The following SWT1 variants were observed in gnomAD, a reference collection of about 807,000 sequenced individuals.
SWT1 encodes the protein SWT1 RNA endoribonuclease homolog.
Under a neutral mutation model 107.3 loss-of-function variants are expected in SWT1, and 33 were observed. The ratio of observed to expected loss-of-function variants is 0.31; its 90% CI spans 0.23 to 0.41. SWT1 has a LOEUF of 0.41. Among genes scored for constraint, SWT1 ranks in the 10% least tolerant of loss-of-function variants. The probability of loss-of-function intolerance (pLI) is 1.00; values close to 1 mark genes in which losing one functional copy is unlikely to be tolerated. For missense variants in SWT1, 898 were observed against 1,028.9 expected, an observed-to-expected ratio of 0.87 and a Z score of 1.74; for synonymous variants, 345 against 348.3, an observed-to-expected ratio of 0.99 and a Z score of 0.11.
rs566590404 is a variant in SWT1 at position 185,260,566 on chromosome 1, T to C, written c.2442-10757T>C. Among the ~76,000 whole-genome samples the C allele has an allele frequency of 5.3e-5, 8 of 152,206 alleles. No homozygotes were observed. In the South Asian group the frequency reaches 1.5e-3, roughly 28 times the overall value. ...ATTAGATTGAAAAGCACAGAAGTCA[T>C]TGGTGAATTTGGCGGTGGCAGTTTC... On this transcript the variant is annotated intron_variant, in intron 16 of 18. Coordinates refer to ENST00000367500, the MANE Select transcript of SWT1 (RefSeq NM_017673.7).
chr1:185,195,230 A>G (rs1296750891), intron 10 of SWT1, among the ~76,000 whole-genome samples: 1 of 152,028 alleles, frequency 6.6e-6, no homozygotes, highest in East Asian at 1.9e-4. Flanking sequence ...CTCCCACTTA[A>G]GAGTGAGGAC....
At chr1:185,159,924 A>G (rs1653996719) in intron 1 of SWT1, among the ~76,000 whole-genome samples, 1 of 151,906 alleles carries the variant, frequency 6.6e-6, no homozygotes, top group Non-Finnish European at 1.5e-5. Flanking sequence ...AGGTTTCATG[A>G]TGTTGGCCAT....
chr1:185,290,704 G>T lies in SWT1; in HGVS notation c.2604G>T (p.Leu868=). ...AGTTAACCATTGGATGCCGCCAGCT[G>T]GTTGAGATGGAATATACCATGCAGC... ...REKLTIGCRQ[L]VEMEYTMQQC... The change falls in exon 19 of 19, where the codon CTG becomes CTT. Residue 868 remains leucine (L), a synonymous_variant. Coordinates refer to ENST00000367500, the MANE Select transcript of SWT1 (RefSeq NM_017673.7). 6.3e-7 allele frequency: 1 copy of T among 1,586,354 alleles called. No individual in the cohort carries two copies. The highest frequency in any genetic ancestry group is 1.2e-5 in the South Asian group (1 of 86,436).
At chr1:185,225,566 A>G (rs1182201677) in intron 15 of SWT1, among the ~76,000 whole-genome samples, 1 of 152,184 alleles carries the variant, frequency 6.6e-6, no homozygotes, top group Non-Finnish European at 1.5e-5. Context: ...GGAAAATTTT[A>G]TTTAAATATT....
intron 16 of SWT1, among the ~76,000 whole-genome samples, chr1:185,268,111 C>A (rs1663538496): frequency 6.6e-6 from 1 of 152,144 alleles, no homozygotes; most frequent in Non-Finnish European, 1.5e-5. Context: ...CCATTCTGGG[C>A]TCAGTTTACC....
At chr1:185,185,827 T>C (rs1268014377) in intron 9 of SWT1, among the ~76,000 whole-genome samples, 2 of 152,328 alleles carry the variant, frequency 1.3e-5, no homozygotes, top group Non-Finnish European at 2.9e-5. Flanking sequence ...ATTCATTCAT[T>C]GTCTAAACAA....
At chr1:185,253,925 T>C (rs530570489) in intron 16 of SWT1, among the ~76,000 whole-genome samples, 7,146 of 150,724 alleles carry the variant, frequency 0.047, 577 homozygotes, top group African/African-American at 0.17. Context: ...TTGTCATAGA[T>C]AGCTCTTATT....
intron 4 of SWT1, among the ~76,000 whole-genome samples, chr1:185,169,430 A>T (rs771350945): frequency 6.6e-6 from 1 of 152,242 alleles, no homozygotes; most frequent in African/African-American, 2.4e-5. Context: ...AAATCTCCGT[A>T]TTAATTCAGC....
chr1:185,160,204 G>A (rs1654023744), intron 1 of SWT1, among the ~76,000 whole-genome samples: 1 of 152,188 alleles, frequency 6.6e-6, no homozygotes, highest in East Asian at 1.9e-4. Flanking sequence ...TGAAGTGTGG[G>A]TGGTGAAGAA....
chr1:185,276,222 A>G (rs1664230266), intron 17 of SWT1, among the ~76,000 whole-genome samples: 1 of 152,164 alleles, frequency 6.6e-6, no homozygotes, highest in African/African-American at 2.4e-5. Flanking sequence ...TATTAGTTTA[A>G]ACATGTAGAC....
chr1:185,191,447 A>G (rs1656941898), intron 10 of SWT1, among the ~76,000 whole-genome samples: 1 of 152,216 alleles, frequency 6.6e-6, no homozygotes, highest in South Asian at 2.1e-4. Context: ...TATTTTATTC[A>G]CTGCAAAATG....
At chr1:185,234,719 C>A (rs546975072) in intron 16 of SWT1, among the ~76,000 whole-genome samples, 1 of 152,106 alleles carries the variant, frequency 6.6e-6, no homozygotes, top group Non-Finnish European at 1.5e-5. Flanking sequence ...ATGGTCTTTA[C>A]GTACAATTTG....
intron 16 of SWT1, among the ~76,000 whole-genome samples, chr1:185,265,421 T>G (rs1229503744): frequency 3.3e-5 from 5 of 152,202 alleles, no homozygotes; most frequent in African/African-American, 1.2e-4. Context: ...TGCTCTAAGA[T>G]CCAAGACTTT....
chr1:185,244,315 A>G (rs1661452457), intron 16 of SWT1, among the ~76,000 whole-genome samples: 1 of 152,138 alleles, frequency 6.6e-6, no homozygotes, highest in Admixed American at 6.5e-5. Flanking sequence ...ATCTAGATGG[A>G]ATAGCCCACT....
At chr1:185,234,366 G>T (rs372421892) in intron 16 of SWT1, among the ~76,000 whole-genome samples, 186 of 152,256 alleles carry the variant, frequency 1.2e-3, no homozygotes, top group African/African-American at 4.3e-3. Flanking sequence ...TTAGCATTAT[G>T]TAATGCCTTT....
chr1:185,253,725 A>G lies in SWT1; in HGVS notation c.2442-17598A>G, dbSNP rs555475841. Among the ~76,000 whole-genome samples, 19 of 151,596 alleles carry G rather than the reference A, an allele frequency of 1.3e-4. No homozygotes were observed. The South Asian group carries it at 2.9e-3, about 23-fold the overall frequency. The stretch of plus-strand genomic sequence containing the variant: ...AGATATACAATCATGTCATCTGCAA[A>G]CAGGGACAATTTGACTTCTCTTTTC... On this transcript the variant is annotated intron_variant, in intron 16 of 18. Coordinates refer to ENST00000367500, the MANE Select transcript of SWT1 (RefSeq NM_017673.7).
chr1:185,290,576 T>A lies in SWT1; in HGVS notation c.2574-98T>A, dbSNP rs114602840. On this transcript the variant is annotated intron_variant, in intron 18 of 18. Transcript: ENST00000367500. ...CATGTTATACATAATATATATATAT[T>A]TTTTATTTGTCAATTAAAATGTAAA... The A allele has an allele frequency of 5.4e-3, 4,350 of 807,854 alleles. 146 individuals are homozygous for A. The African/African-American group carries it at 0.07, about 13-fold the overall frequency. The allele number at this position is 807,854 out of a possible 1,614,324, so 50.0% of individuals were successfully genotyped here. A position where few individuals can be genotyped will look rare whatever the true frequency, so the allele number is the denominator to read the frequency against.
intron 5 of SWT1, among the ~76,000 whole-genome samples, chr1:185,177,264 C>A (rs1400728820): frequency 6.6e-6 from 1 of 152,170 alleles, no homozygotes; most frequent in Non-Finnish European, 1.5e-5. Context: ...GTTCAGTGAT[C>A]ATCATTGTGT....
At position 185,271,293 on chromosome 1, in the gene SWT1, C is replaced by T. The variant is rs1247516426; in HGVS notation, c.2442-30C>T. 5 of 1,162,954 alleles carry T rather than the reference C, an allele frequency of 4.3e-6. No individual in the cohort carries two copies. In the Admixed American group the frequency reaches 8.6e-5, roughly 20 times the overall value. 72.0% of individuals were successfully genotyped at this position (1,162,954 alleles called of 1,614,324 possible). On this transcript the variant is annotated intron_variant, in intron 16 of 18. Transcript: ENST00000367500. The stretch of plus-strand genomic sequence containing the variant: ...TTGGTTTTTTCTGAAATCATTTATT[C>T]CCCCCCTTTGTTTTTATTTTATTTT...
Sources: allele counts gnomAD v4.1 joint callset (sites outside exome capture counted in the v4.1 genomes callset), GRCh38; gene constraint gnomAD v4.1.1; transcripts MANE v1.5; gene names NCBI Gene and HGNC (gene_info 2026-07-23, HGNC 2026-07-21).